QSER1: variants seen among roughly 807,000 people sequenced by gnomAD.
QSER1 encodes the protein glutamine and serine-rich protein 1.
Under a neutral mutation model 158.5 loss-of-function variants are expected in QSER1, and 49 were observed. The ratio of observed to expected loss-of-function variants is 0.31; its 90% CI spans 0.25 to 0.39. The LOEUF is 0.39. Among genes scored for constraint, QSER1 ranks in the 10% least tolerant of loss-of-function variants. The pLI, the probability that QSER1 is intolerant of heterozygous loss-of-function variation, is 1.00. For missense variants in QSER1, 1,754 were observed against 2,010.3 expected, an observed-to-expected ratio of 0.87 and a Z score of 2.44; for synonymous variants, 650 against 715.5, an observed-to-expected ratio of 0.91 and a Z score of 1.46.
At chr11:32,898,482 T>TCA (rs71034630) in intron 1 of QSER1, among the ~76,000 whole-genome samples, 6,648 of 142,918 alleles carry the variant, frequency 0.047, 155 homozygotes, top group Non-Finnish European at 0.058. Flanking sequence ...TGAGAACCTG[T>TCA]CACACACACA....
chr11:32,959,823 G>A (rs985311209), intron 8 of QSER1, among the ~76,000 whole-genome samples: 2 of 152,252 alleles, frequency 1.3e-5, no homozygotes, highest in East Asian at 1.9e-4. Context: ...CTGCAGTGGT[G>A]CACTCATGAC....
Position 32,916,251 on chromosome 11 carries a change from T to A in QSER1, c.210-10906T>A, listed in dbSNP as rs182053560. Reference sequence around the variant, plus strand: ...AATTTACATGGATGAGTGACCATTTTAAATCGTACAATTCAATAATTTTTA... The same window carrying A: ...AATTTACATGGATGAGTGACCATTTAAAATCGTACAATTCAATAATTTTTA... On this transcript the variant is annotated intron_variant, in intron 1 of 12. Transcript: ENST00000650167. Among the ~76,000 whole-genome samples the A allele has an allele frequency of 7.2e-5, 11 of 152,340 alleles. No homozygotes were observed. In the East Asian group the frequency reaches 2.1e-3, roughly 29 times the overall value.
intron 7 of QSER1, among the ~76,000 whole-genome samples, chr11:32,957,141 T>C (rs1335920062): frequency 6.7e-6 from 1 of 149,688 alleles, no homozygotes; most frequent in Non-Finnish European, 1.5e-5. Context: ...TTTCTTTTTT[T>C]TTTTTTTTTC....
intron 1 of QSER1, among the ~76,000 whole-genome samples, chr11:32,917,821 C>CAAG (rs1851852902): frequency 1.2e-5 from 1 of 80,818 alleles, no homozygotes; most frequent in Admixed American, 1.6e-4. Context: ...GACTCTGTCT[C>CAAG]AAAAAAAAAA....
chr11:32,902,402 A>T (rs775130751), intron 1 of QSER1, among the ~76,000 whole-genome samples: 6 of 152,174 alleles, frequency 3.9e-5, no homozygotes, highest in Non-Finnish European at 8.8e-5. Flanking sequence ...TTGCATTTCT[A>T]ACAAGTTTGT....
chr11:32,922,509 G>C (rs1851912234), intron 1 of QSER1, among the ~76,000 whole-genome samples: 2 of 135,572 alleles, frequency 1.5e-5, no homozygotes, highest in African/African-American at 5.8e-5. Flanking sequence ...TTTTGAGCCA[G>C]AGTCTCACTC....
chr11:32,916,634 C>T (rs1851833937), intron 1 of QSER1, among the ~76,000 whole-genome samples: 1 of 152,100 alleles, frequency 6.6e-6, no homozygotes, highest in South Asian at 2.1e-4. Context: ...ATCTTACTGC[C>T]CTGAATACTC....
Position 32,932,774 on chromosome 11 carries a change from A to G in QSER1, c.1516A>G (p.Thr506Ala). ...ATTGCCACCCTTGTATAAAACATTG[A>G]CTTTTTCTGGGTCATCTCAGACTGT... Reference protein sequence around the residue: ...EKLPPLYKTLTFSGSSQTVTP... With the variant: ...EKLPPLYKTLAFSGSSQTVTP... Residue 506 changes from threonine (T) to alanine (A), a missense_variant, in exon 4 of 13, where the codon ACT becomes GCT. By Grantham distance (58) the Thr-to-Ala change is moderately conservative. Coordinates refer to ENST00000650167, the MANE Select transcript of QSER1 (RefSeq NM_001076786.3). 1 of 1,614,028 alleles carries G rather than the reference A, an allele frequency of 6.2e-7. No individual in the cohort carries two copies. The highest frequency in any genetic ancestry group is 8.5e-7 in the Non-Finnish European group (1 of 1,179,984).
chr11:32,933,668 G>C lies in QSER1; in HGVS notation c.2410G>C (p.Asp804His). 6 of 1,613,580 alleles carry C rather than the reference G, an allele frequency of 3.7e-6. No individual in the cohort carries two copies. The highest frequency in any genetic ancestry group is 5.1e-6 in the Non-Finnish European group (6 of 1,179,840). ...TCCACAAATAAGGTTGAATACTAAAGACTTAAAGCAGCAACATCCTCTCAT... is the reference window on the plus strand; with the variant it reads ...TCCACAAATAAGGTTGAATACTAAACACTTAAAGCAGCAACATCCTCTCAT... ...QTPQIRLNTK[D>H]LKQQHPLILK... Residue 804 changes from aspartate (D) to histidine (H), a missense_variant, in exon 4 of 13, where the codon GAC (aspartate) becomes CAC (histidine). By Grantham distance (81) the Asp-to-His change is moderately conservative. Transcript: ENST00000650167.
At chr11:32,948,263 T>C (rs544591366) in intron 4 of QSER1, among the ~76,000 whole-genome samples, 1 of 152,326 alleles carries the variant, frequency 6.6e-6, no homozygotes, top group Non-Finnish European at 1.5e-5. Context: ...TTTATAGTGT[T>C]AAATGTCATT....
intron 1 of QSER1, among the ~76,000 whole-genome samples, chr11:32,925,542 TTTG>T (rs1851958815): frequency 8.6e-6 from 1 of 116,652 alleles, no homozygotes; most frequent in Non-Finnish European, 2.0e-5. Flanking sequence ...TTATTTATTT[TTTG>T]CAGACAGAGT....
chr11:32,902,247 C>T (rs1258007069), intron 1 of QSER1, among the ~76,000 whole-genome samples: 1 of 152,224 alleles, frequency 6.6e-6, no homozygotes, highest in Non-Finnish European at 1.5e-5. Flanking sequence ...AAGGCAGGAA[C>T]AAGCCTGGCA....
chr11:32,930,369 T>C (rs1321107573), intron 3 of QSER1, among the ~76,000 whole-genome samples: 1 of 152,196 alleles, frequency 6.6e-6, no homozygotes, highest in African/African-American at 2.4e-5. Flanking sequence ...ATTTATTCTT[T>C]CAAGTGCCAC....
chr11:32,894,573 A>G (rs568025951), intron 1 of QSER1, among the ~76,000 whole-genome samples: 3 of 152,342 alleles, frequency 2.0e-5, no homozygotes, highest in East Asian at 1.9e-4. Context: ...CGAAAGTTCT[A>G]CGTTCATGAT....
chr11:32,940,347 T>G (rs1048746675), intron 4 of QSER1, among the ~76,000 whole-genome samples: 2 of 152,354 alleles, frequency 1.3e-5, no homozygotes, highest in African/African-American at 4.8e-5. Flanking sequence ...GCTTAGGGAC[T>G]ATCATGATCC....
intron 8 of QSER1, among the ~76,000 whole-genome samples, chr11:32,960,072 G>A (rs1367722407): frequency 6.6e-6 from 1 of 152,058 alleles, no homozygotes; most frequent in Non-Finnish European, 1.5e-5. Context: ...CAGTCTAAAT[G>A]TACTGTTTGT....
chr11:32,948,749 A>T (rs940399199), intron 4 of QSER1, among the ~76,000 whole-genome samples: 2 of 152,144 alleles, frequency 1.3e-5, no homozygotes, highest in East Asian at 1.9e-4. Flanking sequence ...TTTTAAAAAA[A>T]TTTTGCTTTT....
In QSER1 at chr11:32,973,125, AGATTTAAGG is replaced by A. The variant is rs1222959476; in HGVS notation, c.5206-260_5206-252del. On this transcript the variant is annotated intron_variant, in intron 10 of 12. Coordinates refer to ENST00000650167, the MANE Select transcript of QSER1 (RefSeq NM_001076786.3). ...AATAAGCAGGTCATAGAGTTGGCTC[AGATTTAAGG>A]GATTTAAGGGAAATAGATTACATAT... 3.3e-5 allele frequency among the ~76,000 whole-genome samples: 5 copies of A among 152,226 alleles called. No individual in the cohort carries two copies. The East Asian group carries it at 5.8e-4, about 18-fold the overall frequency.
Position 32,931,942 on chromosome 11 carries a change from G to C in QSER1, c.684G>C (p.Leu228Phe). Residue 228 changes from leucine to phenylalanine, a missense_variant, in exon 4 of 13, where the codon TTG becomes TTC. Leu to Phe is a conservative substitution (Grantham distance 22). Coordinates refer to ENST00000650167, the MANE Select transcript of QSER1 (RefSeq NM_001076786.3). ...SNGILSHHDP[L>F]LQIKTSQGTV... ...GAATTTTAAGTCATCATGACCCTTTGCTACAAATCAAGACTTCCCAGGGAA... is the reference window on the plus strand; with the variant it reads ...GAATTTTAAGTCATCATGACCCTTTCCTACAAATCAAGACTTCCCAGGGAA... 6.2e-7 allele frequency: 1 copy of C among 1,614,144 alleles called. No homozygotes were observed. Among genetic ancestry groups the C allele is most frequent in the Admixed American group, 1.7e-5 (1 of 60,024 alleles).
Sources: allele counts gnomAD v4.1 joint callset (sites outside exome capture counted in the v4.1 genomes callset), GRCh38; gene constraint gnomAD v4.1.1; transcripts MANE v1.5; gene names NCBI Gene and HGNC (gene_info 2026-07-23, HGNC 2026-07-21).